The following LIN28B variants were observed in gnomAD, a reference collection of about 807,000 sequenced individuals.
The protein encoded by LIN28B is protein lin-28 homolog B.
LIN28B carries 5 observed loss-of-function variants against 21.9 expected under a neutral mutation model. The ratio of observed to expected loss-of-function variants is 0.23; its 90% CI spans 0.12 to 0.48. The LOEUF is 0.48. LIN28B is among the 20% of genes least tolerant of loss of function. LIN28B has a pLI of 0.98. For synonymous variants in LIN28B, 109 were observed against 111.3 expected, an observed-to-expected ratio of 0.98 and a Z score of 0.13; for missense variants, 245 against 310.5, an observed-to-expected ratio of 0.79 and a Z score of 1.58.
chr6:105,020,511 G>A (rs1771117248), intron 2 of LIN28B, among the ~76,000 whole-genome samples: 1 of 151,700 alleles, frequency 6.6e-6, no homozygotes, highest in Non-Finnish European at 1.5e-5. Flanking sequence ...TAGAGATGGG[G>A]TTTCGCCATG....
In LIN28B at chr6:104,958,125, G is replaced by C; in HGVS notation, c.37G>C (p.Glu13Gln). The C allele has an allele frequency of 1.3e-6, 2 of 1,599,668 alleles. No individual in the cohort carries two copies. Among genetic ancestry groups the C allele is most frequent in the Non-Finnish European group, 1.7e-6 (2 of 1,170,104 alleles). Residue 13 changes from glutamate (E) to glutamine (Q), a missense_variant, in exon 2 of 4, where the codon GAG becomes CAG. Glu to Gln is a conservative substitution (Grantham distance 29). Transcript: ENST00000345080. ...CGGGGCTAGCAAAGGTGGTGGAGAA[G>C]AGCCCGGGAAGCTGCCGGAGCCGGC... ...EGGASKGGGE[E>Q]PGKLPEPAEE...
At chr6:105,021,004 C>T (rs139554981) in intron 2 of LIN28B, among the ~76,000 whole-genome samples, 4,354 of 152,070 alleles carry the variant, frequency 0.029, 199 homozygotes, top group African/African-American at 0.099. Flanking sequence ...ATCCACCCAC[C>T]TCGGCCTCCC....
chr6:105,065,836 A>G (rs910101486), intron 3 of LIN28B, among the ~76,000 whole-genome samples: 1 of 152,208 alleles, frequency 6.6e-6, no homozygotes, highest in Non-Finnish European at 1.5e-5. Context: ...AAATGGAAAG[A>G]TGATTAATGT....
chr6:104,974,364 C>T (rs185275519), intron 2 of LIN28B, among the ~76,000 whole-genome samples: 39 of 151,924 alleles, frequency 2.6e-4, no homozygotes, highest in South Asian at 1.0e-3. Flanking sequence ...TGGCATGTGC[C>T]TGTAGTCCCT....
intron 3 of LIN28B, among the ~76,000 whole-genome samples, chr6:105,051,097 A>T (rs1162954302): frequency 1.3e-5 from 2 of 151,572 alleles, no homozygotes; most frequent in African/African-American, 4.9e-5. Context: ...CATGTAGACT[A>T]ATAAGTAAAT....
upstream of LIN28B, among the ~76,000 whole-genome samples, chr6:104,955,056 T>C (rs1356067118): frequency 1.3e-5 from 2 of 152,220 alleles, no homozygotes; most frequent in African/African-American, 2.4e-5. Flanking sequence ...TGAGATTTTT[T>C]TCCTCTTATA....
upstream of LIN28B, among the ~76,000 whole-genome samples, chr6:104,953,636 GGAAA>G (rs1778248404): frequency 6.6e-6 from 1 of 152,176 alleles, no homozygotes; most frequent in African/African-American, 2.4e-5. Context: ...AAGTGACTGA[GGAAA>G]GAAAGGTGAG....
rs1437980951 is a variant in LIN28B, at chr6:105,077,913, ATAAT to A, written c.384-497_384-494del. On this transcript the variant is annotated intron_variant, in intron 3 of 3. Transcript: ENST00000345080. The stretch of plus-strand genomic sequence containing the variant: ...AGTTTAGCTGGTTTCTACAGTCAAA[ATAAT>A]TAACATTCAAAGAAGTGTTAAACTT... 7.2e-5 allele frequency among the ~76,000 whole-genome samples: 11 copies of A among 152,378 alleles called. No homozygotes were observed. In the South Asian group the frequency reaches 2.1e-3, roughly 29 times the overall value.
chr6:105,023,658 TA>T (rs1413366605), intron 2 of LIN28B, among the ~76,000 whole-genome samples: 4 of 52,642 alleles, frequency 7.6e-5, no homozygotes, highest in South Asian at 6.8e-4. Context: ...AATATATATA[TA>T]TTTTTTTGCC....
intron 3 of LIN28B, among the ~76,000 whole-genome samples, chr6:105,030,812 T>G (rs547754564): frequency 6.6e-6 from 1 of 151,910 alleles, no homozygotes; most frequent in Non-Finnish European, 1.5e-5. Flanking sequence ...GCCAGGCTGG[T>G]CTCGAATCCT....
At chr6:105,020,726 T>A (rs1168415721) in intron 2 of LIN28B, among the ~76,000 whole-genome samples, 6 of 150,324 alleles carry the variant, frequency 4.0e-5, no homozygotes, top group African/African-American at 1.2e-4. Flanking sequence ...CTTCTGAGTC[T>A]CTATTGTCTA....
chr6:105,032,762 G>C (rs1304962928), intron 3 of LIN28B, among the ~76,000 whole-genome samples: 1 of 151,990 alleles, frequency 6.6e-6, no homozygotes, highest in African/African-American at 2.4e-5. Flanking sequence ...TAGGCGTGTG[G>C]TGATATCTCA....
chr6:104,992,952 C>T (rs1770526175), intron 2 of LIN28B, among the ~76,000 whole-genome samples: 1 of 152,044 alleles, frequency 6.6e-6, no homozygotes, highest in Non-Finnish European at 1.5e-5. Context: ...TACTTTTTTA[C>T]TCTCCCAAGA....
chr6:105,026,483 G>A lies in LIN28B; in HGVS notation c.383+1G>A. ...AGAAAAGAAAACCAAAGGGAGATAG[G>A]TAATCATTTTTACTTTGTTAATTTA... is the stretch of plus-strand genomic sequence containing the variant. On this transcript the variant is annotated splice_donor_variant, in intron 3 of 3. Transcript: ENST00000345080. LOFTEE classifies it high-confidence loss of function. 6.5e-7 allele frequency: 1 copy of A among 1,539,616 alleles called. No individual in the cohort carries two copies. Among genetic ancestry groups the A allele is most frequent in the Non-Finnish European group, 8.7e-7 (1 of 1,144,130 alleles).
At chr6:105,041,626 C>T (rs953987591) in intron 3 of LIN28B, among the ~76,000 whole-genome samples, 1 of 152,140 alleles carries the variant, frequency 6.6e-6, no homozygotes, top group Admixed American at 6.5e-5. Flanking sequence ...TGTTTATCAT[C>T]TGACTGGAGG....
At position 105,034,718 on chromosome 6, in the gene LIN28B, A is replaced by C. The variant is rs116719768; in HGVS notation, c.383+8236A>C. On this transcript the variant is annotated intron_variant, in intron 3 of 3. Coordinates refer to ENST00000345080, the MANE Select transcript of LIN28B (RefSeq NM_001004317.4). ...GTCTGATTTATTCTTAGCTCACATG[A>C]ATTAACTTGCCTTTTTAAAAAAGAA... is the stretch of plus-strand genomic sequence containing the variant. Among the ~76,000 whole-genome samples, 914 of 152,146 alleles carry C rather than the reference A, an allele frequency of 6.0e-3. 9 individuals are homozygous for C. The highest frequency in any genetic ancestry group is 0.021 in the African/African-American group (853 of 41,552).
chr6:105,051,922 A>T (rs1345439635), intron 3 of LIN28B, among the ~76,000 whole-genome samples: 1 of 152,230 alleles, frequency 6.6e-6, no homozygotes, highest in Admixed American at 6.5e-5. Context: ...ATGTGACGTC[A>T]GGTAGTGATA....
Position 105,058,459 on chromosome 6 carries a change from C to G in LIN28B, c.384-19955C>G, listed in dbSNP as rs187074573. ...TCTTAGGCTTTGTTTTCTAACTCCT[C>G]TGCTGCATCAACCAGTTTACAAGAT... On this transcript the variant is annotated intron_variant, in intron 3 of 3. Transcript: ENST00000345080. Among the ~76,000 whole-genome samples the G allele has an allele frequency of 2.6e-5, 4 of 152,342 alleles. No homozygotes were observed. The East Asian group carries it at 7.7e-4, about 29-fold the overall frequency.
At chr6:105,005,256 A>G (rs1057448739) in intron 2 of LIN28B, among the ~76,000 whole-genome samples, 1 of 151,908 alleles carries the variant, frequency 6.6e-6, no homozygotes, top group Non-Finnish European at 1.5e-5. Context: ...ATAAGTTTTT[A>G]GGGATTTTCT....
Sources: gnomAD v4.1 joint callset for allele counts (sites outside exome capture counted in the v4.1 genomes callset) on GRCh38, gnomAD v4.1.1 for gene constraint, MANE v1.5 for transcripts, NCBI Gene and HGNC (gene_info 2026-07-23, HGNC 2026-07-21) for gene names.